The following TRIM11 variants were observed in gnomAD, a reference collection of about 807,000 sequenced individuals.
The protein encoded by TRIM11 is E3 ubiquitin-protein ligase TRIM11.
In TRIM11, 15 loss-of-function variants were observed where a neutral mutation model predicts 33.4. That is an observed-to-expected ratio of 0.45 (90% CI 0.30 to 0.69). TRIM11 has a LOEUF of 0.69. Among genes scored for constraint, TRIM11 ranks in the 30% least tolerant of loss-of-function variants. TRIM11 has a pLI of 0.08. For missense variants in TRIM11, 499 were observed against 667.6 expected (o/e 0.75, Z 2.78); for synonymous variants, 281 against 302.6 (o/e 0.93, Z 0.74).
intron 3 of TRIM11, 21 bp from the exon 4 acceptor site, chr1:228,397,186 G>A: frequency 6.2e-7 from 1 of 1,609,412 alleles, no homozygotes; most frequent in Non-Finnish European, 8.5e-7. Context: ...AGGAGAAACA[G>A]CACACTCGGT....
chr1:228,398,809 C>T (rs1291483771), intron 3 of TRIM11, among the ~76,000 whole-genome samples: 3 of 151,780 alleles, frequency 2.0e-5, no homozygotes, highest in Non-Finnish European at 4.4e-5. Context: ...CTGGGGTGGG[C>T]GGCCCACCCC....
intron 3 of TRIM11, chr1:228,397,756 C>T (rs2074999051): frequency 6.6e-6 from 1 of 152,530 alleles, no homozygotes; most frequent in Middle Eastern, 3.4e-3. Flanking sequence ...GACTTCAGAA[C>T]TTGACTATTA....
At position 228,406,647 on chromosome 1, in the gene TRIM11, G is replaced by A. The variant is rs1656429245; in HGVS notation, c.-86C>T. The A allele has an allele frequency of 1.6e-6, 2 of 1,290,088 alleles. No individual in the cohort carries two copies. Among genetic ancestry groups the A allele is most frequent in the Non-Finnish European group, 2.0e-6 (2 of 1,010,404 alleles). 79.9% of individuals were successfully genotyped at this position (1,290,088 alleles called of 1,614,324 possible). ...AGCTCGCGGGGACGCGGGGTATCCGGGTGCGGCGGCGCAGGCTCGGGCACT... is the reference window on the plus strand; with the variant it reads ...AGCTCGCGGGGACGCGGGGTATCCGAGTGCGGCGGCGCAGGCTCGGGCACT... On this transcript the variant is annotated 5_prime_UTR_variant, in exon 1 of 6. Coordinates refer to ENST00000284551, the MANE Select transcript of TRIM11 (RefSeq NM_145214.3). This position sits in a 1 kb window ranked among gnomAD's most constrained non-coding sequence, Gnocchi z 8.2.
chr1:228,406,270 GCT>G lies in TRIM11; in HGVS notation c.290_291del (p.Glu97AlafsTer65). 1 of 1,494,504 alleles carries G rather than the reference GCT, an allele frequency of 6.7e-7. No individual in the cohort carries two copies. The highest frequency in any genetic ancestry group is 8.9e-7 in the Non-Finnish European group (1 of 1,128,660). 92.6% of individuals were successfully genotyped at this position (1,494,504 alleles called of 1,614,324 possible). ...TCGTCGCCACAGAAGGCGGCCAGTG[GCT>G]CGCGGTGCGCGGGGCACACGCCCTG... ...VPQGVCPAHREPLAAFCGDEL... is the reference protein window; with the variant it reads ...VPQGVCPAHRXPLAAFCGDEL... On this transcript the variant is annotated frameshift_variant, in exon 1 of 6. Transcript: ENST00000284551. LOFTEE classifies it high-confidence loss of function. The surrounding 1 kb of genome is among the most constrained non-coding windows in gnomAD (Gnocchi z 8.2).
At chr1:228,396,611 G>C in intron 5 of TRIM11, 1 of 678,586 alleles carries the variant, frequency 1.5e-6, no homozygotes, top group Non-Finnish European at 2.8e-6. Context: ...GTTGTGACTG[G>C]CATCTGAAGT....
In TRIM11 at chr1:228,406,296, T is replaced by C; in HGVS notation, c.266A>G (p.Gln89Arg). ...RRLHPPSPVP[Q>R]GVCPAHREPL... ...CTCGCGGTGCGCGGGGCACACGCCC[T>C]GCGGGACCGGCGACGGCGGGTGCAG... The change falls in exon 1 of 6, where the codon CAG becomes CGG. Residue 89 changes from glutamine (Q) to arginine (R), a missense_variant. Coordinates refer to ENST00000284551, the MANE Select transcript of TRIM11 (RefSeq NM_145214.3). The surrounding 1 kb of genome is among the most constrained non-coding windows in gnomAD (Gnocchi z 8.2). 6.8e-7 allele frequency: 1 copy of C among 1,480,356 alleles called. No homozygotes were observed. The highest frequency in any genetic ancestry group is 8.9e-7 in the Non-Finnish European group (1 of 1,121,450). The allele number at this position is 1,480,356 out of a possible 1,614,324, so 91.7% of individuals were successfully genotyped here.
chr1:228,400,674 G>C lies in TRIM11; in HGVS notation c.735+290C>G, dbSNP rs981297825. On this transcript the variant is annotated intron_variant, in intron 3 of 5. Transcript: ENST00000284551. This position sits in a 1 kb window ranked among gnomAD's most constrained non-coding sequence, Gnocchi z 4.5. ...CCACAGGGAGCAGCAGTGTCAGTCA[G>C]GACGAGATGGAGTGACCTTATGTAA... Among the ~76,000 whole-genome samples, 9 of 152,204 alleles carry C rather than the reference G, an allele frequency of 5.9e-5. No individual in the cohort carries two copies. The highest frequency in any genetic ancestry group is 1.9e-4 in the African/African-American group (8 of 41,438).
rs1211003505 is a variant in TRIM11 at position 228,401,505 on chromosome 1, T to C, written c.505-311A>G. ...AACCCAGGGCCGACTAGATCCCAAA[T>C]CCACTATCTAGTCCCTCCCCAACTT... is the stretch of plus-strand genomic sequence containing the variant. On this transcript the variant is annotated intron_variant, in intron 2 of 5. Coordinates refer to ENST00000284551, the MANE Select transcript of TRIM11 (RefSeq NM_145214.3). The surrounding 1 kb of genome is among the most constrained non-coding windows in gnomAD (Gnocchi z 6.1). 6.6e-6 allele frequency among the ~76,000 whole-genome samples: 1 copy of C among 151,856 alleles called. No individual in the cohort carries two copies. Among genetic ancestry groups the C allele is most frequent in the African/African-American group, 2.4e-5 (1 of 41,288 alleles).
rs188119032 is a variant in TRIM11 at position 228,395,754 on chromosome 1, T to C, written c.860-502A>G. On this transcript the variant is annotated intron_variant, in intron 5 of 5. Coordinates refer to ENST00000284551, the MANE Select transcript of TRIM11 (RefSeq NM_145214.3). The surrounding 1 kb of genome is among the most constrained non-coding windows in gnomAD (Gnocchi z 4.8). Reference sequence around the variant, plus strand: ...GTTTCCCGGGTTGGTCTTGAACTGATGGCCTCAAGCAATCCTCCCGCCTGA... The same window carrying C: ...GTTTCCCGGGTTGGTCTTGAACTGACGGCCTCAAGCAATCCTCCCGCCTGA... The C allele has an allele frequency of 6.5e-6, 1 of 152,694 alleles. No homozygotes were observed. The highest frequency in any genetic ancestry group is 6.5e-5 in the Admixed American group (1 of 15,302). The allele number at this position is 152,694 out of a possible 1,614,324, so 9.5% of individuals were successfully genotyped here. A position where few individuals can be genotyped will look rare whatever the true frequency, so the allele number is the denominator to read the frequency against.
At position 228,394,665 on chromosome 1, in the gene TRIM11, G is replaced by A; in HGVS notation, c.*40C>T. On this transcript the variant is annotated 3_prime_UTR_variant, in exon 6 of 6. Coordinates refer to ENST00000284551, the MANE Select transcript of TRIM11 (RefSeq NM_145214.3). The surrounding 1 kb of genome is among the most constrained non-coding windows in gnomAD (Gnocchi z 6.2). ...GGCCAAAACACTCAGTGGCCTGGAG[G>A]GGCAGGAGAGGCAACAGGACTCCTC... 1 of 1,542,940 alleles carries A rather than the reference G, an allele frequency of 6.5e-7. No individual in the cohort carries two copies. The highest frequency in any genetic ancestry group is 2.3e-5 in the East Asian group (1 of 44,052).
At position 228,403,240 on chromosome 1, in the gene TRIM11, A is replaced by G. The variant is rs538409135; in HGVS notation, c.409-1079T>C. 7 of 152,142 alleles carry G rather than the reference A, an allele frequency of 4.6e-5. No individual in the cohort carries two copies. In the South Asian group the frequency reaches 1.5e-3, roughly 32 times the overall value. The allele number at this position is 152,142 out of a possible 1,614,324, so 9.4% of individuals were successfully genotyped here. ...CAGCAACGGGCCCTGTGCTGGCCAC[A>G]CCTCTTTGCTTCTCAGCCACCCCAA... is the stretch of plus-strand genomic sequence containing the variant. On this transcript the variant is annotated intron_variant, in intron 1 of 5. Coordinates refer to ENST00000284551, the MANE Select transcript of TRIM11 (RefSeq NM_145214.3). The surrounding 1 kb of genome is among the most constrained non-coding windows in gnomAD (Gnocchi z 4.8).
chr1:228,396,567 GCT>G, intron 5 of TRIM11: 1 of 645,562 alleles, frequency 1.5e-6, no homozygotes, highest in Admixed American at 2.3e-5. Flanking sequence ...CTGCAGAGGC[GCT>G]GAGGGAACAG....
Position 228,406,830 on chromosome 1 carries a change from C to T in TRIM11, c.-269G>A. ...CCCGGATGCCGGCAGGAAGAGGAGC[C>T]GAGGCGGAAGCAGGAAGCGACTGGG... On this transcript the variant is annotated 5_prime_UTR_variant, in exon 1 of 6. Coordinates refer to ENST00000284551, the MANE Select transcript of TRIM11 (RefSeq NM_145214.3). This position sits in a 1 kb window ranked among gnomAD's most constrained non-coding sequence, Gnocchi z 8.2. 1 of 192,604 alleles carries T rather than the reference C, an allele frequency of 5.2e-6. No individual in the cohort carries two copies. Among genetic ancestry groups the T allele is most frequent in the Non-Finnish European group, 9.2e-6 (1 of 108,726 alleles). The allele number at this position is 192,604 out of a possible 1,614,324, so 11.9% of individuals were successfully genotyped here. A position where few individuals can be genotyped will look rare whatever the true frequency, so the allele number is the denominator to read the frequency against.
In TRIM11 at chr1:228,394,810, G is replaced by A; in HGVS notation, c.1302C>T (p.Phe434=). 6.2e-7 allele frequency: 1 copy of A among 1,614,170 alleles called. No homozygotes were observed. Among genetic ancestry groups the A allele is most frequent in the South Asian group, 1.1e-5 (1 of 91,078 alleles). The change falls in exon 6 of 6, where the codon TTC becomes TTT. Residue 434 remains phenylalanine, a synonymous_variant. Coordinates refer to ENST00000284551, the MANE Select transcript of TRIM11 (RefSeq NM_145214.3). The surrounding 1 kb of genome is among the most constrained non-coding windows in gnomAD (Gnocchi z 6.2). The stretch of plus-strand genomic sequence containing the variant: ...AGAAGAGGGGCCGCAGCGTCCCCGA[G>A]AAGGGGATCTCGGGAAAGATGAATA... ...SLLFIFPEIP[F]SGTLRPLFSP...
chr1:228,396,531 T>A (rs1171420235), intron 5 of TRIM11: 1 of 611,558 alleles, frequency 1.6e-6, no homozygotes. Flanking sequence ...CTGAGTTCCA[T>A]GGGCTGTGCT....
At chr1:228,397,247 C>T (rs1373883965) in intron 3 of TRIM11, 82 bp from the exon 4 acceptor site, 19 of 1,507,340 alleles carry the variant, frequency 1.3e-5, no homozygotes, top group Non-Finnish European at 1.5e-5. Context: ...CCTGGAGCCT[C>T]GCCCCGTCCC....
In TRIM11 at chr1:228,395,502, A is replaced by G; in HGVS notation, c.860-250T>C. 1 of 367,542 alleles carries G rather than the reference A, an allele frequency of 2.7e-6. No individual in the cohort carries two copies. Among genetic ancestry groups the G allele is most frequent in the Non-Finnish European group, 4.8e-6 (1 of 208,942 alleles). 22.8% of individuals were successfully genotyped at this position (367,542 alleles called of 1,614,324 possible). A position where few individuals can be genotyped will look rare whatever the true frequency, so the allele number is the denominator to read the frequency against. On this transcript the variant is annotated intron_variant, in intron 5 of 5. Transcript: ENST00000284551. The surrounding 1 kb of genome is among the most constrained non-coding windows in gnomAD (Gnocchi z 4.8). ...CCATGTTTTGCCTTCAGATATCAAG[A>G]GGGAATCTTGGTTGCTTTTTTTTTT...
chr1:228,394,586 G>T lies in TRIM11; in HGVS notation c.*119C>A. The stretch of plus-strand genomic sequence containing the variant: ...CCCACGCAGGCTCAGAAAGGCACCA[G>T]GAGTTCCTCCTCTTGCTCAAAGGAC... On this transcript the variant is annotated 3_prime_UTR_variant, in exon 6 of 6. Transcript: ENST00000284551. The surrounding 1 kb of genome is among the most constrained non-coding windows in gnomAD (Gnocchi z 6.2). The T allele has an allele frequency of 8.7e-7, 1 of 1,149,392 alleles. No individual in the cohort carries two copies. Among genetic ancestry groups the T allele is most frequent in the South Asian group, 1.7e-5 (1 of 60,338 alleles). 71.2% of individuals were successfully genotyped at this position (1,149,392 alleles called of 1,614,324 possible). A position where few individuals can be genotyped will look rare whatever the true frequency, so the allele number is the denominator to read the frequency against.
chr1:228,406,695 C>T lies in TRIM11; in HGVS notation c.-134G>A, dbSNP rs1219117320. Reference sequence around the variant, plus strand: ...ACTCCGGGGCGCGAGGCTCGGGACTCCCGGGTGCTCGGGCTCCGGGGCGCG... The same window carrying T: ...ACTCCGGGGCGCGAGGCTCGGGACTTCCGGGTGCTCGGGCTCCGGGGCGCG... On this transcript the variant is annotated 5_prime_UTR_variant, in exon 1 of 6. Coordinates refer to ENST00000284551, the MANE Select transcript of TRIM11 (RefSeq NM_145214.3). The surrounding 1 kb of genome is among the most constrained non-coding windows in gnomAD (Gnocchi z 8.2). 1.1e-6 allele frequency: 1 copy of T among 870,598 alleles called. No individual in the cohort carries two copies. The highest frequency in any genetic ancestry group is 1.8e-5 in the African/African-American group (1 of 55,910). 53.9% of individuals were successfully genotyped at this position (870,598 alleles called of 1,614,324 possible).
Sources: gnomAD v4.1 joint callset for allele counts (sites outside exome capture counted in the v4.1 genomes callset) on GRCh38, gnomAD v4.1.1 for gene constraint, Gnocchi (gnomAD v3.1) non-coding constraint, MANE v1.5 for transcripts, NCBI Gene and HGNC (gene_info 2026-07-23, HGNC 2026-07-21) for gene names.